The following SPATA17 variants were observed in gnomAD, a reference collection of about 807,000 sequenced individuals.
The protein encoded by SPATA17 is spermatogenesis associated 17, also known as spermatogenesis-associated protein 17.
A neutral mutation model predicts 62.2 loss-of-function variants in SPATA17; 53 were observed. That is an observed-to-expected ratio of 0.85 (90% CI 0.68 to 1.07). The LOEUF is 1.07. Ranked by LOEUF, SPATA17 falls within the 50% of genes least tolerant of loss-of-function variation. The pLI is 0.00. For missense variants in SPATA17, 466 were observed against 425.5 expected, an observed-to-expected ratio of 1.10 and a Z score of -0.84; for synonymous variants, 146 against 146.8, an observed-to-expected ratio of 0.99 and a Z score of 0.04.
chr1:217,654,795 C>T (rs932689273), intron 3 of SPATA17, among the ~76,000 whole-genome samples: 2 of 151,484 alleles, frequency 1.3e-5, no homozygotes, highest in African/African-American at 4.9e-5. Flanking sequence ...TCACTGCAAC[C>T]TCTGCCTCCC....
intron 9 of SPATA17, among the ~76,000 whole-genome samples, chr1:217,821,233 A>T (rs771498687): frequency 6.6e-5 from 10 of 152,096 alleles, no homozygotes; most frequent in Non-Finnish European, 1.2e-4. Flanking sequence ...TCCAAACAAT[A>T]GCCTGGATGA....
intron 3 of SPATA17, among the ~76,000 whole-genome samples, chr1:217,654,484 G>T (rs1271160781): frequency 6.6e-6 from 1 of 152,152 alleles, no homozygotes; most frequent in East Asian, 1.9e-4. Flanking sequence ...TTTAAAAAAA[G>T]TTTTAAATTT....
intron 5 of SPATA17, among the ~76,000 whole-genome samples, chr1:217,701,680 C>T (rs1337614142): frequency 6.6e-6 from 1 of 152,170 alleles, no homozygotes; most frequent in Non-Finnish European, 1.5e-5. Context: ...AGCCATCACA[C>T]CTGGCCTATA....
rs962368862 is a variant in SPATA17 at position 217,868,330 on chromosome 1, T to C, written c.*1311T>C. ...AGTCAAAGAAGTGAGTTAAAATACA[T>C]ATACTCCTCCTCTTATAATCGGTTA... On this transcript the variant is annotated 3_prime_UTR_variant, in exon 11 of 11. Coordinates refer to ENST00000366933, the MANE Select transcript of SPATA17 (RefSeq NM_138796.4). 1 of 152,200 alleles carries C rather than the reference T, an allele frequency of 6.6e-6. No homozygotes were observed. The highest frequency in any genetic ancestry group is 2.4e-5 in the African/African-American group (1 of 41,450). 9.4% of individuals were successfully genotyped at this position (152,200 alleles called of 1,614,324 possible). A position where few individuals can be genotyped will look rare whatever the true frequency, so the allele number is the denominator to read the frequency against.
chr1:217,822,003 T>TA (rs1674875236), intron 9 of SPATA17, among the ~76,000 whole-genome samples: 1 of 152,072 alleles, frequency 6.6e-6, no homozygotes, highest in Non-Finnish European at 1.5e-5. Flanking sequence ...ATCTAAAGGA[T>TA]AGAGAGAGAC....
chr1:217,647,756 C>A (rs1300330011), intron 1 of SPATA17, among the ~76,000 whole-genome samples: 1 of 151,864 alleles, frequency 6.6e-6, no homozygotes, highest in African/African-American at 2.4e-5. Context: ...CAGAGTCTTG[C>A]TCTGTCGCCC....
chr1:217,712,133 G>GTT (rs1323641633), intron 5 of SPATA17, among the ~76,000 whole-genome samples: 4 of 139,580 alleles, frequency 2.9e-5, no homozygotes, highest in Non-Finnish European at 3.0e-5. Context: ...ATGTTCTTTT[G>GTT]TTTTTTTTTT....
chr1:217,644,313 G>C (rs1217291979), intron 1 of SPATA17, among the ~76,000 whole-genome samples: 1 of 152,084 alleles, frequency 6.6e-6, no homozygotes, highest in Non-Finnish European at 1.5e-5. Flanking sequence ...GTGATAATCA[G>C]AACACAAAAT....
chr1:217,725,578 C>T (rs1342707076), intron 5 of SPATA17, among the ~76,000 whole-genome samples: 1 of 152,098 alleles, frequency 6.6e-6, no homozygotes, highest in Non-Finnish European at 1.5e-5. Context: ...GTCTGGTCCC[C>T]CAGCCTCCTG....
intron 1 of SPATA17, among the ~76,000 whole-genome samples, chr1:217,639,834 T>C (rs1363344818): frequency 6.6e-6 from 1 of 152,072 alleles, no homozygotes; most frequent in Non-Finnish European, 1.5e-5. Context: ...CTGACCCACA[T>C]GTATGGTCTC....
chr1:217,729,158 T>A (rs1390689358), intron 5 of SPATA17, among the ~76,000 whole-genome samples: 1 of 152,242 alleles, frequency 6.6e-6, no homozygotes, highest in African/African-American at 2.4e-5. Context: ...TTTCTCTATC[T>A]GCAGTAAACA....
At chr1:217,757,855 A>C (rs1374994130) in intron 6 of SPATA17, among the ~76,000 whole-genome samples, 2 of 152,226 alleles carry the variant, frequency 1.3e-5, no homozygotes, top group East Asian at 3.8e-4. Context: ...AAGAAGGAAT[A>C]AAATTAATGT....
At chr1:217,845,875 GT>G (rs1675512797) in intron 9 of SPATA17, among the ~76,000 whole-genome samples, 1 of 151,990 alleles carries the variant, frequency 6.6e-6, no homozygotes, top group African/African-American at 2.4e-5. Flanking sequence ...AGTAGTAGTT[GT>G]TTACAATTTC....
Position 217,869,715 on chromosome 1 carries a change from G to A in SPATA17, c.*2696G>A, listed in dbSNP as rs1404810807. The A allele has an allele frequency of 1.3e-5, 2 of 151,948 alleles. No individual in the cohort carries two copies. Among genetic ancestry groups the A allele is most frequent in the African/African-American group, 2.4e-5 (1 of 41,350 alleles). 9.4% of individuals were successfully genotyped at this position (151,948 alleles called of 1,614,324 possible). On this transcript the variant is annotated 3_prime_UTR_variant, in exon 11 of 11. Transcript: ENST00000366933. ...GGTCACTGGTGCCTGAATTCCAAAG[G>A]GAGGAGGGTATAATGAAGCATGTCC...
At chr1:217,680,021 A>T (rs1671041411) in intron 4 of SPATA17, among the ~76,000 whole-genome samples, 1 of 152,162 alleles carries the variant, frequency 6.6e-6, no homozygotes, top group Non-Finnish European at 1.5e-5. Flanking sequence ...TATTTTATTT[A>T]TAATTTAATG....
At position 217,637,248 on chromosome 1, in the gene SPATA17, A is replaced by G. The variant is rs147548419; in HGVS notation, c.68+5802A>G. Among the ~76,000 whole-genome samples the G allele has an allele frequency of 5.9e-5, 9 of 152,338 alleles. No homozygotes were observed. The East Asian group carries it at 9.6e-4, about 16-fold the overall frequency. On this transcript the variant is annotated intron_variant, in intron 1 of 10. Transcript: ENST00000366933. ...TTATTTTTCTTATTCCTGGGTTACA[A>G]CGAAGGAATGTGAGTTTCAGACCAT...
intron 9 of SPATA17, among the ~76,000 whole-genome samples, chr1:217,807,716 A>T (rs1295584831): frequency 6.6e-6 from 1 of 152,078 alleles, no homozygotes. Context: ...ATATAAAGGA[A>T]GAAAGAAAAA....
intron 3 of SPATA17, among the ~76,000 whole-genome samples, chr1:217,659,993 A>AATG (rs1322205715): frequency 6.6e-6 from 1 of 152,162 alleles, no homozygotes; most frequent in Non-Finnish European, 1.5e-5. Flanking sequence ...CTTCTTATCT[A>AATG]ATGTCACTTC....
chr1:217,849,732 A>G (rs1456291924), intron 9 of SPATA17, among the ~76,000 whole-genome samples: 1 of 152,082 alleles, frequency 6.6e-6, no homozygotes, highest in East Asian at 1.9e-4. Context: ...AAACTTCCTG[A>G]ACCTGAGGGG....
Sources: allele counts gnomAD v4.1 joint callset (sites outside exome capture counted in the v4.1 genomes callset), GRCh38; gene constraint gnomAD v4.1.1; transcripts MANE v1.5; gene names NCBI Gene and HGNC (gene_info 2026-07-23, HGNC 2026-07-21).